Variants in ACTBL2 observed in about 807,000 individuals in gnomAD.
ACTBL2 encodes the protein actin beta like 2, also known as beta-actin-like protein 2.
In ACTBL2, 29 loss-of-function variants were observed where a neutral mutation model predicts 23.2. That is an observed-to-expected ratio of 1.25 (90% CI 0.93 to 1.71). The LOEUF is 1.71. ACTBL2 is among the 40% of genes most tolerant of loss of function. The pLI is 0.00. For synonymous variants in ACTBL2, 173 were observed against 182.1 expected (o/e 0.95, Z 0.40); for missense variants, 524 against 486.2 (o/e 1.08, Z -0.73).
rs1745131880 is a variant in ACTBL2 at position 57,480,512 on chromosome 5, G to C, written c.*1065C>G. 1 of 152,080 alleles carries C rather than the reference G, an allele frequency of 6.6e-6. No individual in the cohort carries two copies. The highest frequency in any genetic ancestry group is 6.5e-5 in the Admixed American group (1 of 15,272). 9.4% of individuals were successfully genotyped at this position (152,080 alleles called of 1,614,324 possible). On this transcript the variant is annotated 3_prime_UTR_variant, in exon 1 of 1. Coordinates refer to ENST00000423391, the MANE Select transcript of ACTBL2 (RefSeq NM_001017992.4). The stretch of plus-strand genomic sequence containing the variant: ...TCTCAGAGACACTTTGCATAAATAA[G>C]TATTGCTAGTTACTGGACATAATAA...
chr5:57,481,944 C>G lies in ACTBL2; in HGVS notation c.764G>C (p.Arg255Pro), dbSNP rs762885038. ...DGQVITIGNE[R>P]FRCPEAIFQP... ...GAAAATGGCTTCAGGGCATCGGAAG[C>G]GTTCATTCCCAATGGTGATCACCTG... Residue 255 changes from arginine (R) to proline (P), a missense_variant, in exon 1 of 1, where the codon CGC becomes CCC. Arg to Pro is a moderately radical substitution (Grantham distance 103, BLOSUM62 -2). Transcript: ENST00000423391. 13 of 1,614,004 alleles carry G rather than the reference C, an allele frequency of 8.1e-6. No individual in the cohort carries two copies. The highest frequency in any genetic ancestry group is 1.1e-5 in the Non-Finnish European group (13 of 1,180,040).
rs2112134017 is a variant in ACTBL2 at position 57,482,297 on chromosome 5, G to A, written c.411C>T (p.Ile137=). ...AGGCATAGAGGGACAGCACAGCCTG[G>A]ATGGCGACATACATGGCTGGTGTGT... is the stretch of plus-strand genomic sequence containing the variant. ...AFNTPAMYVA[I]QAVLSLYASG... is the part of the protein sequence containing the mutation. The change falls in exon 1 of 1, where the codon ATC becomes ATT. Residue 137 remains isoleucine (I), a synonymous_variant. Coordinates refer to ENST00000423391, the MANE Select transcript of ACTBL2 (RefSeq NM_001017992.4). 5 of 1,614,108 alleles carry A rather than the reference G, an allele frequency of 3.1e-6. No individual in the cohort carries two copies. The highest frequency in any genetic ancestry group is 1.6e-4 in the Middle Eastern group (1 of 6,062).
Position 57,482,128 on chromosome 5 carries a change from G to C in ACTBL2, c.580C>G (p.Leu194Val), listed in dbSNP as rs1281968452. 2 of 1,613,974 alleles carry C rather than the reference G, an allele frequency of 1.2e-6. No homozygotes were observed. Among genetic ancestry groups the C allele is most frequent in the African/African-American group, 2.7e-5 (2 of 74,924 alleles). ...GTGAAGTTATAGCCTCGCTCTGTCA[G>C]GATCTTCATGAGGTAATCAGTCAGG... ...RDLTDYLMKI[L>V]TERGYNFTTT... The change falls in exon 1 of 1, where the codon CTG (leucine) becomes GTG (valine). Residue 194 changes from leucine to valine, a missense_variant. Coordinates refer to ENST00000423391, the MANE Select transcript of ACTBL2 (RefSeq NM_001017992.4).
Position 57,481,645 on chromosome 5 carries a change from G to T in ACTBL2, c.1063C>A (p.Gln355Lys). 1 of 1,614,070 alleles carries T rather than the reference G, an allele frequency of 6.2e-7. No individual in the cohort carries two copies. The highest frequency in any genetic ancestry group is 8.5e-7 in the Non-Finnish European group (1 of 1,180,004). The change falls in exon 1 of 1, where the codon CAG becomes AAG. Residue 355 changes from glutamine to lysine, a missense_variant. Physicochemically the swap from Gln to Lys is moderately conservative, Grantham distance 53. Transcript: ENST00000423391. ...SILASLSTFQ[Q>K]MWISKQEYDE... The stretch of plus-strand genomic sequence containing the variant: ...TATTCCTGCTTACTGATCCACATCT[G>T]CTGGAATGTGGACAGGCTGGCAAGG...
Position 57,482,451 on chromosome 5 carries a change from A to T in ACTBL2, c.257T>A (p.Ile86Asn). 1.2e-6 allele frequency: 2 copies of T among 1,614,082 alleles called. No individual in the cohort carries two copies. Among genetic ancestry groups the T allele is most frequent in the Non-Finnish European group, 8.5e-7 (1 of 1,180,014 alleles). ...VVTNWDDMEK[I>N]WYHTFYNELR... ...CTCATTGTAGAATGTGTGGTACCAG[A>T]TCTTTTCCATATCGTCCCAGTTGGT... is the stretch of plus-strand genomic sequence containing the variant. The change falls in exon 1 of 1, where the codon ATC (isoleucine) becomes AAC (asparagine). Residue 86 changes from isoleucine (I) to asparagine (N), a missense_variant. Coordinates refer to ENST00000423391, the MANE Select transcript of ACTBL2 (RefSeq NM_001017992.4).
Position 57,480,070 on chromosome 5 carries a change from T to C in ACTBL2, c.*1507A>G, listed in dbSNP as rs1745123578. 1 of 152,100 alleles carries C rather than the reference T, an allele frequency of 6.6e-6. No individual in the cohort carries two copies. Among genetic ancestry groups the C allele is most frequent in the Admixed American group, 6.5e-5 (1 of 15,272 alleles). The allele number at this position is 152,100 out of a possible 1,614,324, so 9.4% of individuals were successfully genotyped here. A position where few individuals can be genotyped will look rare whatever the true frequency, so the allele number is the denominator to read the frequency against. On this transcript the variant is annotated 3_prime_UTR_variant, in exon 1 of 1. Coordinates refer to ENST00000423391, the MANE Select transcript of ACTBL2 (RefSeq NM_001017992.4). Reference sequence around the variant, plus strand: ...TGAAAGCAAGTTATATAAAATAAAGTGTTTTTGGAGATTAATTTTGGTTAC... The same window carrying C: ...TGAAAGCAAGTTATATAAAATAAAGCGTTTTTGGAGATTAATTTTGGTTAC...
Position 57,482,647 on chromosome 5 carries a change from C to G in ACTBL2, c.61G>C (p.Gly21Arg). Reference protein sequence around the residue: ...VDNGSGMCKAGFGGDDAPRAV... With the variant: ...VDNGSGMCKARFGGDDAPRAV... ...CGGGGGGCATCGTCACCACCAAAGC[C>G]TGCCTTGCACATCCCTGACCCATTA... is the stretch of plus-strand genomic sequence containing the variant. The change falls in exon 1 of 1, where the codon GGC becomes CGC. Residue 21 changes from glycine to arginine, a missense_variant. By Grantham distance (125) the Gly-to-Arg change is moderately radical. Coordinates refer to ENST00000423391, the MANE Select transcript of ACTBL2 (RefSeq NM_001017992.4). The G allele has an allele frequency of 6.2e-7, 1 of 1,614,114 alleles. No individual in the cohort carries two copies. The highest frequency in any genetic ancestry group is 8.5e-7 in the Non-Finnish European group (1 of 1,180,036).
In ACTBL2 at chr5:57,481,952, C is replaced by T; in HGVS notation, c.756G>A (p.Gly252=). ...CTTCAGGGCATCGGAAGCGTTCATT[C>T]CCAATGGTGATCACCTGCCCATCAG... ...ELPDGQVITI[G]NERFRCPEAI... Residue 252 remains glycine, a synonymous_variant, in exon 1 of 1, where the codon GGG becomes GGA. Coordinates refer to ENST00000423391, the MANE Select transcript of ACTBL2 (RefSeq NM_001017992.4). 6.2e-7 allele frequency: 1 copy of T among 1,614,122 alleles called. No homozygotes were observed. Among genetic ancestry groups the T allele is most frequent in the Non-Finnish European group, 8.5e-7 (1 of 1,180,036 alleles).
Position 57,482,667 on chromosome 5 carries a change from C to A in ACTBL2, c.41G>T (p.Gly14Val). The change falls in exon 1 of 1, where the codon GGG becomes GTG. Residue 14 changes from glycine to valine, a missense_variant. Coordinates refer to ENST00000423391, the MANE Select transcript of ACTBL2 (RefSeq NM_001017992.4). ...NELSALVVDN[G>V]SGMCKAGFGG... ...AAAGCCTGCCTTGCACATCCCTGAC[C>A]CATTATCCACTACCAAGGCAGACAG... 2.5e-6 allele frequency: 4 copies of A among 1,614,050 alleles called. No individual in the cohort carries two copies. Among genetic ancestry groups the A allele is most frequent in the Non-Finnish European group, 3.4e-6 (4 of 1,180,006 alleles).
chr5:57,482,353 T>C lies in ACTBL2; in HGVS notation c.355A>G (p.Lys119Glu). ...GCCTCGAACATGATCTGAGTCATCT[T>C]TTCCCGGTTGATCTTGGGGTTCAGG... ...APLNPKINRE[K>E]MTQIMFEAFN... Residue 119 changes from lysine (K) to glutamate (E), a missense_variant, in exon 1 of 1, where the codon AAG becomes GAG. Lys to Glu is a moderately conservative substitution (Grantham distance 56). Coordinates refer to ENST00000423391, the MANE Select transcript of ACTBL2 (RefSeq NM_001017992.4). 2 of 1,614,054 alleles carry C rather than the reference T, an allele frequency of 1.2e-6. No homozygotes were observed. Among genetic ancestry groups the C allele is most frequent in the Non-Finnish European group, 1.7e-6 (2 of 1,180,002 alleles).
rs1386618579 is a variant in ACTBL2, at chr5:57,480,657, G to T, written c.*920C>A. The T allele has an allele frequency of 6.6e-6, 1 of 152,112 alleles. No individual in the cohort carries two copies. The highest frequency in any genetic ancestry group is 2.4e-5 in the African/African-American group (1 of 41,446). The allele number at this position is 152,112 out of a possible 1,614,324, so 9.4% of individuals were successfully genotyped here. A position where few individuals can be genotyped will look rare whatever the true frequency, so the allele number is the denominator to read the frequency against. On this transcript the variant is annotated 3_prime_UTR_variant, in exon 1 of 1. Transcript: ENST00000423391. ...CCCACAGTGAAATCCTTGCACAAGA[G>T]AAGTATCTGTAATCCTGGTCTACAG...
Position 57,482,693 on chromosome 5 carries a change from C to A in ACTBL2, c.15G>T (p.Glu5Asp). 1 of 1,613,690 alleles carries A rather than the reference C, an allele frequency of 6.2e-7. No homozygotes were observed. Among genetic ancestry groups the A allele is most frequent in the Non-Finnish European group, 8.5e-7 (1 of 1,179,716 alleles). MTDNELSALVVDNGS... is the reference protein window; with the variant it reads MTDNDLSALVVDNGS... ...CATTATCCACTACCAAGGCAGACAG[C>A]TCATTGTCAGTCATGGTGCTGGCTG... Residue 5 changes from glutamate to aspartate, a missense_variant, in exon 1 of 1, where the codon GAG becomes GAT. Physicochemically the swap from Glu to Asp is conservative, Grantham distance 45. Coordinates refer to ENST00000423391, the MANE Select transcript of ACTBL2 (RefSeq NM_001017992.4).
In ACTBL2 at chr5:57,481,715, T is replaced by G; in HGVS notation, c.993A>C (p.Ile331=). 1 of 1,614,078 alleles carries G rather than the reference T, an allele frequency of 6.2e-7. No individual in the cohort carries two copies. Among genetic ancestry groups the G allele is most frequent in the Non-Finnish European group, 8.5e-7 (1 of 1,180,028 alleles). The change falls in exon 1 of 1, where the codon ATA becomes ATC. Residue 331 remains isoleucine (I), a synonymous_variant. Coordinates refer to ENST00000423391, the MANE Select transcript of ACTBL2 (RefSeq NM_001017992.4). ...LAPSTMKIKI[I]APPERKYSVW... is the part of the protein sequence containing the mutation. ...CAGAATACTTCCGCTCTGGGGGAGC[T>G]ATGATCTTGATTTTCATGGTGCTGG...
In ACTBL2 at chr5:57,482,593, G is replaced by C. The variant is rs1202606427; in HGVS notation, c.115C>G (p.Pro39Ala). The C allele has an allele frequency of 6.2e-7, 1 of 1,614,034 alleles. No individual in the cohort carries two copies. The highest frequency in any genetic ancestry group is 1.7e-5 in the Admixed American group (1 of 60,008). Residue 39 changes from proline to alanine, a missense_variant, in exon 1 of 1, where the codon CCT (proline) becomes GCT (alanine). Coordinates refer to ENST00000423391, the MANE Select transcript of ACTBL2 (RefSeq NM_001017992.4). ...RAVFPSMIGR[P>A]RHQGVMVGMG... Reference sequence around the variant, plus strand: ...CCTACCATAACGCCCTGGTGTCGAGGACGCCCTATCATGGAGGGGAACACA... The same window carrying C: ...CCTACCATAACGCCCTGGTGTCGAGCACGCCCTATCATGGAGGGGAACACA...
chr5:57,482,545 C>A lies in ACTBL2; in HGVS notation c.163G>T (p.Val55Leu). The A allele has an allele frequency of 6.2e-7, 1 of 1,614,112 alleles. No homozygotes were observed. Among genetic ancestry groups the A allele is most frequent in the Admixed American group, 1.7e-5 (1 of 60,028 alleles). The change falls in exon 1 of 1, where the codon GTG becomes TTG. Residue 55 changes from valine to leucine, a missense_variant. Val to Leu is a conservative substitution (Grantham distance 32, BLOSUM62 1). Coordinates refer to ENST00000423391, the MANE Select transcript of ACTBL2 (RefSeq NM_001017992.4). ...MVGMGQKDCY[V>L]GDEAQSKRGV... is the part of the protein sequence containing the mutation. ...CTCTTGCTCTGAGCCTCATCTCCCA[C>A]GTAGCAGTCCTTCTGGCCCATGCCT...
In ACTBL2 at chr5:57,480,299, A is replaced by G. The variant is rs1171272191; in HGVS notation, c.*1278T>C. On this transcript the variant is annotated 3_prime_UTR_variant, in exon 1 of 1. Coordinates refer to ENST00000423391, the MANE Select transcript of ACTBL2 (RefSeq NM_001017992.4). ...ATGCCTGAATAAGCAATCCAAATAA[A>G]TATTTTAAATTTTCAGAAATTACCC... is the stretch of plus-strand genomic sequence containing the variant. 1 of 152,098 alleles carries G rather than the reference A, an allele frequency of 6.6e-6. No individual in the cohort carries two copies. The highest frequency in any genetic ancestry group is 6.6e-5 in the Admixed American group (1 of 15,262). The allele number at this position is 152,098 out of a possible 1,614,324, so 9.4% of individuals were successfully genotyped here. A position where few individuals can be genotyped will look rare whatever the true frequency, so the allele number is the denominator to read the frequency against.
chr5:57,481,754 G>C lies in ACTBL2; in HGVS notation c.954C>G (p.Ile318Met). ...PGIADRMQKE[I>M]ITLAPSTMKI... ...TCATGGTGCTGGGTGCCAGGGTTAT[G>C]ATTTCTTTCTGCATCCTGTCAGCAA... The change falls in exon 1 of 1, where the codon ATC (isoleucine) becomes ATG (methionine). Residue 318 changes from isoleucine to methionine, a missense_variant. Ile to Met is a conservative substitution (Grantham distance 10). Transcript: ENST00000423391. The C allele has an allele frequency of 6.2e-7, 1 of 1,613,986 alleles. No homozygotes were observed. Among genetic ancestry groups the C allele is most frequent in the Non-Finnish European group, 8.5e-7 (1 of 1,180,000 alleles).
In ACTBL2 at chr5:57,482,111, A is replaced by G. The variant is rs761058339; in HGVS notation, c.597T>C (p.Tyr199=). ...CCCGCTCAGCAGTGGTGGTGAAGTT[A>G]TAGCCTCGCTCTGTCAGGATCTTCA... ...YLMKILTERG[Y]NFTTTAEREI... The change falls in exon 1 of 1, where the codon TAT becomes TAC. Residue 199 remains tyrosine, a synonymous_variant. Coordinates refer to ENST00000423391, the MANE Select transcript of ACTBL2 (RefSeq NM_001017992.4). 24 of 1,614,124 alleles carry G rather than the reference A, an allele frequency of 1.5e-5. No individual in the cohort carries two copies. Among genetic ancestry groups the G allele is most frequent in the Non-Finnish European group, 2.0e-5 (24 of 1,180,026 alleles).
chr5:57,481,442 G>T lies in ACTBL2; in HGVS notation c.*135C>A. On this transcript the variant is annotated 3_prime_UTR_variant, in exon 1 of 1. Transcript: ENST00000423391. ...GGGTAAGAGCCCAGGTTACTTGGAT[G>T]GAGAGATGGGTTTGCTGGTTTACAC... 9.0e-7 allele frequency: 1 copy of T among 1,107,224 alleles called. No homozygotes were observed. Among genetic ancestry groups the T allele is most frequent in the Non-Finnish European group, 1.3e-6 (1 of 783,634 alleles). The allele number at this position is 1,107,224 out of a possible 1,614,324, so 68.6% of individuals were successfully genotyped here.
Sources: allele counts gnomAD v4.1 joint callset, GRCh38; gene constraint gnomAD v4.1.1; transcripts MANE v1.5; gene names NCBI Gene and HGNC (gene_info 2026-07-23, HGNC 2026-07-21).